KSR2: variants seen among roughly 807,000 people sequenced by gnomAD.
KSR2 encodes kinase suppressor of ras 2.
KSR2 carries 25 observed loss-of-function variants against 107.8 expected under a neutral mutation model. The ratio of observed to expected loss-of-function variants is 0.23; its 90% CI spans 0.17 to 0.32. The LOEUF (loss-of-function observed/expected upper bound fraction) is 0.32, where lower values mean the gene tolerates loss of function less well. KSR2 is among the 10% of genes least tolerant of loss of function. The pLI is 1.00. For missense variants in KSR2, 887 were observed against 1,268.9 expected, an observed-to-expected ratio of 0.70 and a Z score of 4.57; for synonymous variants, 480 against 507.0, an observed-to-expected ratio of 0.95 and a Z score of 0.71.
chr12:117,522,724 G>A (rs190169872), intron 14 of KSR2, among the ~76,000 whole-genome samples: 2 of 152,226 alleles, frequency 1.3e-5, no homozygotes, highest in Non-Finnish European at 2.9e-5. Flanking sequence ...GGAAACCTGA[G>A]ACCGCCATGA....
At chr12:117,966,623 GCACACACACA>G (rs71099095) in intron 1 of KSR2, among the ~76,000 whole-genome samples, 1 of 143,098 alleles carries the variant, frequency 7.0e-6, no homozygotes, top group Non-Finnish European at 1.5e-5. Context: ...ACACGCGCAC[GCACACACACA>G]CACACACACA....
intron 9 of KSR2, among the ~76,000 whole-genome samples, chr12:117,549,067 C>T (rs188053629): frequency 2.4e-3 from 372 of 152,296 alleles, no homozygotes; most frequent in African/African-American, 8.3e-3. Flanking sequence ...CCACCTGCCA[C>T]GCAAGACCAC....
At chr12:117,687,197 CT>C (rs1333343589) in intron 4 of KSR2, among the ~76,000 whole-genome samples, 1 of 152,184 alleles carries the variant, frequency 6.6e-6, no homozygotes, top group Non-Finnish European at 1.5e-5. Context: ...ACAGGATAAC[CT>C]CTCCTGCCTC....
chr12:117,582,860 C>G (rs147525134), intron 5 of KSR2, among the ~76,000 whole-genome samples: 219 of 152,294 alleles, frequency 1.4e-3, no homozygotes, highest in Middle Eastern at 6.8e-3. Context: ...AGTTAGAGTG[C>G]AGTGGATTCC....
At chr12:117,749,345 G>A (rs1411226082) in intron 4 of KSR2, among the ~76,000 whole-genome samples, 4 of 151,712 alleles carry the variant, frequency 2.6e-5, no homozygotes, top group African/African-American at 4.9e-5. Flanking sequence ...GCAGTCACAA[G>A]GCTAATTAGT....
chr12:117,610,485 ATCC>A (rs1248777634), intron 5 of KSR2, among the ~76,000 whole-genome samples: 2 of 152,146 alleles, frequency 1.3e-5, no homozygotes, highest in Non-Finnish European at 2.9e-5. Flanking sequence ...CACGTCTGTA[ATCC>A]CAGCACTCTT....
intron 7 of KSR2, among the ~76,000 whole-genome samples, chr12:117,574,750 C>T (rs1280367151): frequency 1.3e-5 from 2 of 152,046 alleles, no homozygotes; most frequent in Non-Finnish European, 2.9e-5. Flanking sequence ...GGAGTGGGCC[C>T]CAAGAATGTG....
chr12:117,945,331 A>G (rs1593392705), intron 1 of KSR2, among the ~76,000 whole-genome samples: 1 of 152,324 alleles, frequency 6.6e-6, no homozygotes, highest in South Asian at 2.1e-4. Context: ...AAGAAATATT[A>G]AACATTTTAA....
intron 1 of KSR2, among the ~76,000 whole-genome samples, chr12:117,926,777 C>T (rs75737788): frequency 0.018 from 2,777 of 152,262 alleles, 79 homozygotes; most frequent in African/African-American, 0.063. Flanking sequence ...CTTGCTAGAC[C>T]GCCTTTCAGC....
Position 117,527,280 on chromosome 12 carries a change from G to A in KSR2, c.1803-161C>T, listed in dbSNP as rs189560085. Among the ~76,000 whole-genome samples the A allele has an allele frequency of 4.4e-3, 554 of 124,546 alleles. 2 individuals are homozygous for A. Among genetic ancestry groups the A allele is most frequent in the African/African-American group, 0.016 (525 of 32,722 alleles). The allele number at this position is 124,546 out of a possible 152,430, so 81.7% of individuals were successfully genotyped here. On this transcript the variant is annotated intron_variant, in intron 12 of 19. Coordinates refer to ENST00000339824, the MANE Select transcript of KSR2 (RefSeq NM_173598.6). The stretch of plus-strand genomic sequence containing the variant: ...TGTGTCTGAAATAATCCATAACCTC[G>A]ACACACACACACACACACACAGACA...
At chr12:117,917,707 G>A (rs1189164006) in intron 1 of KSR2, among the ~76,000 whole-genome samples, 1 of 152,044 alleles carries the variant, frequency 6.6e-6, no homozygotes, top group Admixed American at 6.6e-5. Context: ...ACGCACCCAC[G>A]GATGAATATA....
chr12:117,511,478 G>A (rs879224478), intron 14 of KSR2, among the ~76,000 whole-genome samples: 2 of 152,158 alleles, frequency 1.3e-5, no homozygotes, highest in Admixed American at 1.3e-4. Context: ...GCAGGGTTAG[G>A]ACTCAAGCTC....
intron 7 of KSR2, among the ~76,000 whole-genome samples, chr12:117,578,630 A>G (rs1481079233): frequency 6.7e-6 from 1 of 150,276 alleles, no homozygotes; most frequent in Non-Finnish European, 1.5e-5. Flanking sequence ...AAAAAGAGAC[A>G]GAGAAAAGGA....
intron 8 of KSR2, among the ~76,000 whole-genome samples, chr12:117,557,559 C>T (rs971435405): frequency 5.3e-5 from 8 of 152,210 alleles, no homozygotes; most frequent in African/African-American, 1.9e-4. Flanking sequence ...ACGGACAGTG[C>T]TTTGAATAGC....
Position 117,949,072 on chromosome 12 carries a change from A to C in KSR2, c.180+19004T>G, listed in dbSNP as rs1339076903. 3.3e-5 allele frequency among the ~76,000 whole-genome samples: 5 copies of C among 152,248 alleles called. No individual in the cohort carries two copies. In the East Asian group the frequency reaches 9.7e-4, roughly 29 times the overall value. On this transcript the variant is annotated intron_variant, in intron 1 of 19. Transcript: ENST00000339824. ...TTGCACCACTGCACTCCAGCCTGGGAGACAAGAGTGAGACTCTGTCTCAAA... is the reference window on the plus strand; with the variant it reads ...TTGCACCACTGCACTCCAGCCTGGGCGACAAGAGTGAGACTCTGTCTCAAA...
intron 4 of KSR2, among the ~76,000 whole-genome samples, chr12:117,724,342 T>C (rs1284777785): frequency 1.3e-5 from 2 of 148,702 alleles, no homozygotes; most frequent in African/African-American, 2.5e-5. Context: ...AAAAATAACA[T>C]ATATCTACCA....
intron 5 of KSR2, among the ~76,000 whole-genome samples, chr12:117,666,605 C>T (rs562632054): frequency 1.3e-5 from 2 of 152,196 alleles, no homozygotes; most frequent in Non-Finnish European, 2.9e-5. Flanking sequence ...TGGGGCCCTG[C>T]CTGTGAGTGA....
intron 1 of KSR2, among the ~76,000 whole-genome samples, chr12:117,918,945 C>G (rs184739335): frequency 2.0e-5 from 3 of 152,158 alleles, no homozygotes; most frequent in Non-Finnish European, 4.4e-5. Context: ...CCCTACCCTG[C>G]CATGTTCTGG....
chr12:117,618,596 G>A (rs990535214), intron 5 of KSR2, among the ~76,000 whole-genome samples: 2 of 151,996 alleles, frequency 1.3e-5, no homozygotes, highest in Admixed American at 6.6e-5. Context: ...GGACCCAGTA[G>A]GAGATAATTG....
Sources: allele counts gnomAD v4.1 joint callset (sites outside exome capture counted in the v4.1 genomes callset), GRCh38; gene constraint gnomAD v4.1.1; transcripts MANE v1.5; gene names NCBI Gene and HGNC (gene_info 2026-07-23, HGNC 2026-07-21).